The following VASH2 variants were observed in gnomAD, a reference collection of about 807,000 sequenced individuals.
VASH2 encodes the protein tubulinyl-Tyr carboxypeptidase 2.
A neutral mutation model predicts 37.2 loss-of-function variants in VASH2; 28 were observed. The ratio of observed to expected loss-of-function variants is 0.75; its 90% CI spans 0.56 to 1.03. VASH2 has a LOEUF of 1.03. VASH2 is among the 50% of genes least tolerant of loss of function. VASH2 has a pLI of 0.00. For synonymous variants in VASH2, 188 were observed against 174.7 expected (o/e 1.08, Z -0.60); for missense variants, 419 against 459.1 (o/e 0.91, Z 0.80).
intron 2 of VASH2, among the ~76,000 whole-genome samples, chr1:212,955,297 C>CT (rs1252557624): frequency 6.6e-6 from 1 of 152,208 alleles, no homozygotes; most frequent in Non-Finnish European, 1.5e-5. Context: ...ATTCCCTTAG[C>CT]AGCCATGGTA....
chr1:212,963,790 G>A (rs1327032200), intron 3 of VASH2, among the ~76,000 whole-genome samples: 1 of 151,578 alleles, frequency 6.6e-6, no homozygotes, highest in Non-Finnish European at 1.5e-5. Context: ...TTTACTCTAC[G>A]TTTGTCTCAT....
At chr1:212,983,351 G>A (rs1293499773) in intron 7 of VASH2, among the ~76,000 whole-genome samples, 1 of 152,240 alleles carries the variant, frequency 6.6e-6, no homozygotes, top group Non-Finnish European at 1.5e-5. Context: ...TCAAGTGGCT[G>A]ACATCTGGTG....
At chr1:212,983,576 T>G (rs774956724) in intron 7 of VASH2, among the ~76,000 whole-genome samples, 3 of 152,110 alleles carry the variant, frequency 2.0e-5, no homozygotes, top group Non-Finnish European at 2.9e-5. Flanking sequence ...GAGGATCGAG[T>G]TTCCAAACCC....
intron 6 of VASH2, 126 bp from the exon 7 acceptor site, chr1:212,973,829 C>G (rs1667092980): frequency 1.4e-6 from 2 of 1,437,576 alleles, no homozygotes; most frequent in Non-Finnish European, 1.8e-6. Context: ...AGAAGTCTTC[C>G]TGCTCAATGC....
At chr1:212,959,286 C>G (rs901424134) in intron 2 of VASH2, among the ~76,000 whole-genome samples, 8 of 142,506 alleles carry the variant, frequency 5.6e-5, no homozygotes, top group Non-Finnish European at 1.3e-4. Context: ...GTGTGTGTGT[C>G]TCTGTGAGTG....
At chr1:212,967,776 T>C (rs1490189925) in intron 5 of VASH2, 1 of 153,600 alleles carries the variant, frequency 6.5e-6, no homozygotes, top group Non-Finnish European at 1.4e-5. Flanking sequence ...GGAGATAGAA[T>C]GTATAGGACT....
chr1:212,970,994 T>G (rs1666996276), intron 5 of VASH2, among the ~76,000 whole-genome samples: 1 of 151,998 alleles, frequency 6.6e-6, no homozygotes. Flanking sequence ...CCCACCACCG[T>G]TCTACTCTCT....
At chr1:212,979,030 A>ACAT (rs2102653518) in intron 7 of VASH2, among the ~76,000 whole-genome samples, 1 of 148,542 alleles carries the variant, frequency 6.7e-6, no homozygotes, top group East Asian at 2.1e-4. Flanking sequence ...ACTGTGTAGG[A>ACAT]GGAGAGGGAA....
At chr1:212,961,880 G>T (rs189503802) in intron 3 of VASH2, among the ~76,000 whole-genome samples, 1 of 152,182 alleles carries the variant, frequency 6.6e-6, no homozygotes, top group Admixed American at 6.5e-5. Flanking sequence ...GATTACAGGC[G>T]TGAGTCACCA....
At chr1:212,965,038 A>C (rs1396604418) in intron 3 of VASH2, among the ~76,000 whole-genome samples, 1 of 151,728 alleles carries the variant, frequency 6.6e-6, no homozygotes, top group Non-Finnish European at 1.5e-5. Context: ...CTCCTGCCTC[A>C]GCCTCCTGAG....
At chr1:212,966,589 C>T (rs1002450972) in intron 5 of VASH2, among the ~76,000 whole-genome samples, 6 of 152,226 alleles carry the variant, frequency 3.9e-5, no homozygotes, top group South Asian at 2.1e-4. Flanking sequence ...AGGTCCAGCT[C>T]TCAGGCCAGT....
At position 212,961,224 on chromosome 1, in the gene VASH2, A is replaced by C. The variant is rs1572061871; in HGVS notation, c.335A>C (p.Gln112Pro). 6.2e-7 allele frequency: 1 copy of C among 1,614,194 alleles called. No homozygotes were observed. The highest frequency in any genetic ancestry group is 2.2e-5 in the East Asian group (1 of 44,884). ...RLSMTIPDWL[Q>P]AIQNYMKTLQ... ...TCGATGACGATCCCAGACTGGCTCC[A>C]GGCGATCCAGAATTACATGAAGACC... The change falls in exon 3 of 8, where the codon CAG becomes CCG. Residue 112 changes from glutamine (Q) to proline (P), a missense_variant. This residue lies in a region of VASH2 where 158 missense variants were observed against 163.0 expected (regional missense o/e 0.97). Coordinates refer to ENST00000517399, the MANE Select transcript of VASH2 (RefSeq NM_001301056.2).
At chr1:212,982,139 GTCATTGGGGTTAAGTGTA>G (rs1466406445) in intron 7 of VASH2, among the ~76,000 whole-genome samples, 1 of 152,202 alleles carries the variant, frequency 6.6e-6, no homozygotes, top group Non-Finnish European at 1.5e-5. Flanking sequence ...ATGCAGACCT[GTCATTGGGGTTAAGTGTA>G]GCCTTGGGGC....
Position 212,965,734 on chromosome 1 carries a change from A to C in VASH2, c.378A>C (p.Thr126=). The change falls in exon 4 of 8, where the codon ACA becomes ACC. Residue 126 remains threonine (T), a synonymous_variant. Coordinates refer to ENST00000517399, the MANE Select transcript of VASH2 (RefSeq NM_001301056.2). The part of the protein sequence containing the change: ...NYMKTLQYNH[T]GTQFFEIRKM... ...ATACTTTACACAGATATAATCACAC[A>C]GGGACCCAGTTCTTTGAAATTAGGA... 1 of 1,552,150 alleles carries C rather than the reference A, an allele frequency of 6.4e-7. No individual in the cohort carries two copies. The highest frequency in any genetic ancestry group is 8.7e-7 in the Non-Finnish European group (1 of 1,146,916).
Position 212,950,835 on chromosome 1 carries a change from G to T in VASH2, c.-205+95G>T, listed in dbSNP as rs1666280503. On this transcript the variant is annotated intron_variant, in intron 1 of 7. Coordinates refer to ENST00000517399, the MANE Select transcript of VASH2 (RefSeq NM_001301056.2). The surrounding 1 kb of genome is among the most constrained non-coding windows in gnomAD (Gnocchi z 5.5). The stretch of plus-strand genomic sequence containing the variant: ...AGGCGCTGGAACTCGGGGAAAAGGG[G>T]GCGGATGGAGCTCTTTCCACTAGAT... 1 of 152,738 alleles carries T rather than the reference G, an allele frequency of 6.5e-6. No individual in the cohort carries two copies. Among genetic ancestry groups the T allele is most frequent in the South Asian group, 1.9e-4 (1 of 5,184 alleles). The allele number at this position is 152,738 out of a possible 1,614,324, so 9.5% of individuals were successfully genotyped here.
chr1:212,953,713 CTTTGTAAG>C (rs1666394886), intron 2 of VASH2, among the ~76,000 whole-genome samples: 1 of 152,156 alleles, frequency 6.6e-6, no homozygotes, highest in South Asian at 2.1e-4. Context: ...ATAGACCAGA[CTTTGTAAG>C]TTCTTTCCAG....
Position 212,990,540 on chromosome 1 carries a change from T to C in VASH2, c.*1956T>C, listed in dbSNP as rs570304304. Reference sequence around the variant, plus strand: ...TATAACACTGCAACCATTCTAAGAGTTGGAATTTATTTTTGCCAAGTATTA... The same window carrying C: ...TATAACACTGCAACCATTCTAAGAGCTGGAATTTATTTTTGCCAAGTATTA... On this transcript the variant is annotated 3_prime_UTR_variant, in exon 8 of 8. Coordinates refer to ENST00000517399, the MANE Select transcript of VASH2 (RefSeq NM_001301056.2). 2.0e-5 allele frequency: 3 copies of C among 152,212 alleles called. No homozygotes were observed. The highest frequency in any genetic ancestry group is 7.2e-5 in the African/African-American group (3 of 41,514). 9.4% of individuals were successfully genotyped at this position (152,212 alleles called of 1,614,324 possible). A position where few individuals can be genotyped will look rare whatever the true frequency, so the allele number is the denominator to read the frequency against.
intron 5 of VASH2, among the ~76,000 whole-genome samples, chr1:212,969,552 C>T (rs536215620): frequency 4.6e-5 from 7 of 152,228 alleles, no homozygotes; most frequent in East Asian, 1.9e-4. Flanking sequence ...AGTGCAGTGG[C>T]GCGATCTCGG....
rs1369765402 is a variant in VASH2 at position 212,951,641 on chromosome 1, C to T, written c.99C>T (p.Ala33=). The change falls in exon 2 of 8, where the codon GCC becomes GCT. Residue 33 remains alanine, a synonymous_variant. Transcript: ENST00000517399. This position sits in a 1 kb window ranked among gnomAD's most constrained non-coding sequence, Gnocchi z 4.4. ...RSSHARPVSL[A]TSGGSEEEDK... ...GCCACGCGCGGCCCGTGAGCCTCGC[C>T]ACCAGCGGGGGCTCAGAGGAGGAGG... 1 of 1,580,910 alleles carries T rather than the reference C, an allele frequency of 6.3e-7. No individual in the cohort carries two copies. The highest frequency in any genetic ancestry group is 8.6e-7 in the Non-Finnish European group (1 of 1,164,096).
Sources: gnomAD v4.1 joint callset for allele counts (sites outside exome capture counted in the v4.1 genomes callset) on GRCh38, gnomAD v4.1.1 for gene constraint, gnomAD v4.1.1 regional missense constraint, Gnocchi (gnomAD v3.1) non-coding constraint, MANE v1.5 for transcripts, NCBI Gene and HGNC (gene_info 2026-07-23, HGNC 2026-07-21) for gene names.